SLBP: variants seen among roughly 807,000 people sequenced by gnomAD.
SLBP encodes stem-loop histone mRNA binding protein, also known as histone RNA hairpin-binding protein.
A neutral mutation model predicts 39.2 loss-of-function variants in SLBP; 29 were observed. The observed-to-expected ratio is 0.74, with a 90% CI of 0.55 to 1.01. The LOEUF (loss-of-function observed/expected upper bound fraction) is 1.01, where lower values mean the gene tolerates loss of function less well. Among genes scored for constraint, SLBP ranks in the 50% least tolerant of loss-of-function variants. SLBP has a pLI of 0.00. For synonymous variants in SLBP, 129 were observed against 118.7 expected (o/e 1.09, Z -0.57); for missense variants, 390 against 350.2 (o/e 1.11, Z -0.91).
intron 2 of SLBP, among the ~76,000 whole-genome samples, chr4:1,704,856 T>C (rs1356158761): frequency 6.6e-6 from 1 of 152,188 alleles, no homozygotes; most frequent in African/African-American, 2.4e-5. Flanking sequence ...TTTCCAGACA[T>C]GTCTATACTA....
At position 1,693,592 on chromosome 4, in the gene SLBP, G is replaced by A; in HGVS notation, c.*5C>T. The A allele has an allele frequency of 1.3e-6, 2 of 1,579,788 alleles. No individual in the cohort carries two copies. The highest frequency in any genetic ancestry group is 2.2e-5 in the South Asian group (2 of 90,318). ...CTGTTTCTCTTCCTGGCCGCCAGGG[G>A]GCAGTTAGCTCATGGCTGAGAAGTC... On this transcript the variant is annotated 3_prime_UTR_variant, in exon 8 of 8. Transcript: ENST00000489418.
intron 3 of SLBP, 80 bp downstream of exon 3, chr4:1,703,516 T>C: frequency 2.2e-6 from 2 of 922,786 alleles, no homozygotes; most frequent in Non-Finnish European, 3.6e-6. Context: ...TGAAAACCAC[T>C]GTTCTAAGAC....
intron 2 of SLBP, among the ~76,000 whole-genome samples, chr4:1,704,682 G>A (rs1716452127): frequency 6.6e-6 from 1 of 152,174 alleles, no homozygotes; most frequent in African/African-American, 2.4e-5. Context: ...ATACTGAGAA[G>A]GCTCTGCAAG....
In SLBP at chr4:1,699,651, T is replaced by C; in HGVS notation, c.392A>G (p.Asp131Gly). The C allele has an allele frequency of 1.2e-6, 2 of 1,613,620 alleles. No homozygotes were observed. Among genetic ancestry groups the C allele is most frequent in the Non-Finnish European group, 1.7e-6 (2 of 1,179,514 alleles). ...CTGTCTCCTCATTAGGACACTTTCATCTGTCTCAAAGTCAGCCGGCACAGT... is the reference window on the plus strand; with the variant it reads ...CTGTCTCCTCATTAGGACACTTTCACCTGTCTCAAAGTCAGCCGGCACAGT... ...MSTVPADFET[D>G]ESVLMRRQKQ... The change falls in exon 5 of 8, where the codon GAT becomes GGT. Residue 131 changes from aspartate to glycine, a missense_variant. By Grantham distance (94) the Asp-to-Gly change is moderately conservative. Coordinates refer to ENST00000489418, the MANE Select transcript of SLBP (RefSeq NM_006527.4).
At chr4:1,695,356 C>T (rs868504174) in intron 6 of SLBP, among the ~76,000 whole-genome samples, 4 of 152,150 alleles carry the variant, frequency 2.6e-5, no homozygotes, top group Admixed American at 6.5e-5. Flanking sequence ...TCTGAGGAAG[C>T]GAGAGGCTCA....
intron 5 of SLBP, among the ~76,000 whole-genome samples, chr4:1,698,244 C>T (rs1311273896): frequency 6.6e-5 from 10 of 151,474 alleles, no homozygotes; most frequent in Admixed American, 6.6e-4. Flanking sequence ...CCTGTGGAGG[C>T]TGAGGCAGGA....
intron 5 of SLBP, 133 bp downstream of exon 5, chr4:1,699,431 G>GT: frequency 1.4e-6 from 1 of 714,954 alleles, no homozygotes. Context: ...ATAAGCCCCA[G>GT]TAAGTCCCTA....
rs887862521 is a variant in SLBP at position 1,712,257 on chromosome 4, G to C, written c.-69C>G. On this transcript the variant is annotated 5_prime_UTR_variant, in exon 1 of 8. Coordinates refer to ENST00000489418, the MANE Select transcript of SLBP (RefSeq NM_006527.4). ...GGCGGCGGCGCGGGCAGAGAGCGCA[G>C]AGTAGAGCAGGGCAGGGCCTGAGGC... 2.0e-6 allele frequency: 2 copies of C among 1,003,498 alleles called. No homozygotes were observed. Among genetic ancestry groups the C allele is most frequent in the East Asian group, 3.8e-5 (1 of 26,618 alleles). The allele number at this position is 1,003,498 out of a possible 1,614,324, so 62.2% of individuals were successfully genotyped here.
intron 2 of SLBP, among the ~76,000 whole-genome samples, chr4:1,709,646 C>G (rs1044725922): frequency 8.7e-5 from 13 of 149,024 alleles, no homozygotes; most frequent in Non-Finnish European, 1.3e-4. Flanking sequence ...GAGTCTCGCT[C>G]TATTGCCCCA....
At chr4:1,700,258 C>T (rs1293172925) in intron 3 of SLBP, among the ~76,000 whole-genome samples, 188 bp from the exon 4 acceptor site, 1 of 152,050 alleles carries the variant, frequency 6.6e-6, no homozygotes, top group East Asian at 1.9e-4. Flanking sequence ...ATTTACATTC[C>T]CTAAAACTTG....
At chr4:1,697,761 T>C (rs1716167440) in intron 5 of SLBP, among the ~76,000 whole-genome samples, 1 of 152,028 alleles carries the variant, frequency 6.6e-6, no homozygotes, top group African/African-American at 2.4e-5. Context: ...GGAGAATCGC[T>C]TGAACCTGGG....
At chr4:1,693,759 A>G (rs369786011) in intron 7 of SLBP, 46 bp from the exon 8 acceptor site, 10 of 1,293,142 alleles carry the variant, frequency 7.7e-6, no homozygotes, top group Admixed American at 1.7e-5. Context: ...CTCACCCTGA[A>G]AACAGGGGCC....
At chr4:1,708,061 A>G (rs962671574) in intron 2 of SLBP, among the ~76,000 whole-genome samples, 12 of 149,476 alleles carry the variant, frequency 8.0e-5, no homozygotes, top group Non-Finnish European at 1.6e-4. Flanking sequence ...CCTGGGCGAC[A>G]GAGCAAGACT....
Position 1,699,571 on chromosome 4 carries a change from C to T in SLBP, c.472G>A (p.Val158Ile). Residue 158 changes from valine (V) to isoleucine (I), a missense_variant, in exon 5 of 8, where the codon GTC (valine) becomes ATC (isoleucine). Physicochemically the swap from Val to Ile is conservative, Grantham distance 29. Transcript: ENST00000489418. ...CCACTGAAACAAGACTACCTTGGGA[C>T]TTCTTTAATATAACGATCGTAGGCA... The part of the protein sequence containing the change: ...TIAYDRYIKE[V>I]PRHLRQPGIH... 2.5e-6 allele frequency: 4 copies of T among 1,613,970 alleles called. No homozygotes were observed. Among genetic ancestry groups the T allele is most frequent in the Non-Finnish European group, 3.4e-6 (4 of 1,179,880 alleles).
chr4:1,710,160 G>A (rs1463572353), intron 2 of SLBP, among the ~76,000 whole-genome samples: 1 of 151,940 alleles, frequency 6.6e-6, no homozygotes, highest in Non-Finnish European at 1.5e-5. Flanking sequence ...ATTACAGGCA[G>A]GAGCCACTGC....
Position 1,704,564 on chromosome 4 carries a change from C to T in SLBP, c.177-864G>A, listed in dbSNP as rs190963093. 3.3e-4 allele frequency among the ~76,000 whole-genome samples: 50 copies of T among 152,232 alleles called. 1 individual carries two copies. In the South Asian group the frequency reaches 7.7e-3, roughly 23 times the overall value. The stretch of plus-strand genomic sequence containing the variant: ...CTAACAAAGCCCGAGTTTCACAGAT[C>T]GCGGGCACATCTAGACAGATGTGTG... On this transcript the variant is annotated intron_variant, in intron 2 of 7. Coordinates refer to ENST00000489418, the MANE Select transcript of SLBP (RefSeq NM_006527.4).
At chr4:1,708,748 A>G (rs1716618214) in intron 2 of SLBP, among the ~76,000 whole-genome samples, 1 of 152,230 alleles carries the variant, frequency 6.6e-6, no homozygotes, top group Non-Finnish European at 1.5e-5. Context: ...ACACTAAGCT[A>G]ACAACCTTCC....
At chr4:1,697,938 C>A (rs1378404233) in intron 5 of SLBP, among the ~76,000 whole-genome samples, 1 of 152,042 alleles carries the variant, frequency 6.6e-6, no homozygotes, top group South Asian at 2.1e-4. Flanking sequence ...CCAGCCTGGG[C>A]GACATAGGGA....
chr4:1,712,291 G>A lies in SLBP; in HGVS notation c.-103C>T, dbSNP rs374192047. On this transcript the variant is annotated 5_prime_UTR_variant, in exon 1 of 8. Transcript: ENST00000489418. ...AGGGCAGGGCCTGAGGCAGAAACCC[G>A]CGTCCCCGCGCCGGCGCTCACGAGC... is the stretch of plus-strand genomic sequence containing the variant. 5.0e-5 allele frequency: 34 copies of A among 682,948 alleles called. No individual in the cohort carries two copies. Among genetic ancestry groups the A allele is most frequent in the East Asian group, 3.4e-4 (8 of 23,652 alleles). 42.3% of individuals were successfully genotyped at this position (682,948 alleles called of 1,614,324 possible). A position where few individuals can be genotyped will look rare whatever the true frequency, so the allele number is the denominator to read the frequency against.
Sources: allele counts gnomAD v4.1 joint callset (sites outside exome capture counted in the v4.1 genomes callset), GRCh38; gene constraint gnomAD v4.1.1; transcripts MANE v1.5; gene names NCBI Gene and HGNC (gene_info 2026-07-23, HGNC 2026-07-21).